The following SHLD1 variants were observed in gnomAD, a reference collection of about 807,000 sequenced individuals.
SHLD1 encodes the protein RINN1-REV7-interacting novel NHEJ regulator 3.
Under a neutral mutation model 5.5 loss-of-function variants are expected in SHLD1, and 3 were observed. The ratio of observed to expected loss-of-function variants is 0.54; its 90% CI spans 0.25 to 1.40. SHLD1 has a LOEUF of 1.40. SHLD1 is among the 40% of genes most tolerant of loss of function. The probability of loss-of-function intolerance (pLI) is 0.15; values close to 1 mark genes in which losing one functional copy is unlikely to be tolerated. For missense variants in SHLD1, 210 were observed against 244.4 expected (o/e 0.86, Z 0.94); for synonymous variants, 92 against 94.3 (o/e 0.98, Z 0.14).
At chr20:5,809,225 A>T (rs374137594) in intron 2 of SHLD1, among the ~76,000 whole-genome samples, 1 of 152,152 alleles carries the variant, frequency 6.6e-6, no homozygotes, top group East Asian at 1.9e-4. Flanking sequence ...ATCTTAACGT[A>T]CATGTTTGCA....
At chr20:5,815,085 C>T (rs768851801) in intron 2 of SHLD1, among the ~76,000 whole-genome samples, 11 of 152,152 alleles carry the variant, frequency 7.2e-5, no homozygotes, top group African/African-American at 1.9e-4. Flanking sequence ...TTCATGCCTG[C>T]GAGACAGCGG....
At chr20:5,758,951 G>GTTT (rs903234621) in intron 1 of SHLD1, among the ~76,000 whole-genome samples, 39 of 127,194 alleles carry the variant, frequency 3.1e-4, no homozygotes, top group Non-Finnish European at 3.3e-4. Flanking sequence ...TTCTTGACAA[G>GTTT]TTTTTTTTTT....
At chr20:5,822,573 G>A (rs237088) in intron 2 of SHLD1, among the ~76,000 whole-genome samples, 2,856 of 152,182 alleles carry the variant, frequency 0.019, 87 homozygotes, top group African/African-American at 0.065. Context: ...AGTCCCAGCA[G>A]TGAGACAAAT....
intron 2 of SHLD1, among the ~76,000 whole-genome samples, chr20:5,821,510 TCAAAACAAAA>T (rs749681534): frequency 6.6e-6 from 1 of 152,078 alleles, no homozygotes; most frequent in African/African-American, 2.4e-5. Context: ...TGACTCTATC[TCAAAACAAAA>T]CAAAACAAAA....
At chr20:5,805,163 G>A (rs1333832246) in intron 2 of SHLD1, among the ~76,000 whole-genome samples, 2 of 152,128 alleles carry the variant, frequency 1.3e-5, no homozygotes, top group African/African-American at 4.8e-5. Flanking sequence ...ATCCTTTGCT[G>A]CTGTTGTTTT....
At chr20:5,767,389 C>T (rs1984898988) in intron 1 of SHLD1, among the ~76,000 whole-genome samples, 2 of 152,184 alleles carry the variant, frequency 1.3e-5, no homozygotes, top group African/African-American at 4.8e-5. Flanking sequence ...CCTCCTGCCT[C>T]AGCCTCCCAA....
chr20:5,790,513 TGCGATCTCG>T (rs2087123984), intron 2 of SHLD1, among the ~76,000 whole-genome samples: 1 of 145,624 alleles, frequency 6.9e-6, no homozygotes, highest in South Asian at 2.2e-4. Context: ...AGTGCAATGG[TGCGATCTCG>T]GCTCACTGCA....
intron 1 of SHLD1, among the ~76,000 whole-genome samples, chr20:5,760,585 C>A (rs189106151): frequency 6.6e-6 from 1 of 151,640 alleles, no homozygotes; most frequent in African/African-American, 2.4e-5. Flanking sequence ...CCTGGCTATC[C>A]GGGAGGCTGA....
chr20:5,809,802 G>A (rs2087433457), intron 2 of SHLD1, among the ~76,000 whole-genome samples: 1 of 151,996 alleles, frequency 6.6e-6, no homozygotes, highest in Non-Finnish European at 1.5e-5. Context: ...TAAATATCCT[G>A]CAATGCACAG....
chr20:5,857,777 C>T (rs1253501317), intron 2 of SHLD1, among the ~76,000 whole-genome samples: 1 of 151,724 alleles, frequency 6.6e-6, no homozygotes, highest in Non-Finnish European at 1.5e-5. Flanking sequence ...CCATGGCACT[C>T]CAACCTGGGG....
At chr20:5,790,660 G>C (rs1384701003) in intron 2 of SHLD1, among the ~76,000 whole-genome samples, 1 of 151,862 alleles carries the variant, frequency 6.6e-6, no homozygotes, top group Non-Finnish European at 1.5e-5. Flanking sequence ...CACCGTGTTG[G>C]CCAGGCTGGT....
chr20:5,773,152 A>G, intron 2 of SHLD1, 109 bp downstream of exon 2: 1 of 1,272,566 alleles, frequency 7.9e-7, no homozygotes, highest in East Asian at 2.4e-5. Context: ...AGAATGCTTC[A>G]TTGTCTTAGG....
Position 5,806,319 on chromosome 20 carries a change from T to C in SHLD1, c.178+33276T>C, listed in dbSNP as rs381515. On this transcript the variant is annotated intron_variant, in intron 2 of 2. Transcript: ENST00000303142. The surrounding 1 kb of genome is among the most constrained non-coding windows in gnomAD (Gnocchi z 7.6). ...CGCATCATGCTATTGGTCCACAGTA[T>C]ATGGATTTGTGGATCGTGTCTTCTT... Among the ~76,000 whole-genome samples the C allele has an allele frequency of 0.04, 6,100 of 152,336 alleles. 121 individuals are homozygous for C. Among genetic ancestry groups the C allele is most frequent in the African/African-American group, 0.063 (2,628 of 41,570 alleles).
chr20:5,830,238 T>C (rs889962132), intron 2 of SHLD1, among the ~76,000 whole-genome samples: 1 of 152,176 alleles, frequency 6.6e-6, no homozygotes, highest in Non-Finnish European at 1.5e-5. Flanking sequence ...CTTTATCAGA[T>C]AAATAAATGG....
chr20:5,764,192 T>TA (rs1568490200), intron 1 of SHLD1, among the ~76,000 whole-genome samples: 6 of 56,076 alleles, frequency 1.1e-4, no homozygotes, highest in African/African-American at 4.6e-4. Context: ...ATATATATAT[T>TA]TTATATATAT....
chr20:5,788,852 C>T (rs547029436), intron 2 of SHLD1, among the ~76,000 whole-genome samples: 20 of 152,132 alleles, frequency 1.3e-4, no homozygotes, highest in African/African-American at 4.8e-4. Flanking sequence ...ATTTTTTTTG[C>T]TGGGCTCAGT....
At chr20:5,757,588 A>G (rs1354985567) in intron 1 of SHLD1, among the ~76,000 whole-genome samples, 1 of 152,034 alleles carries the variant, frequency 6.6e-6, no homozygotes, top group Non-Finnish European at 1.5e-5. Context: ...CTAATGTAGC[A>G]TATTACAGCA....
chr20:5,753,255 T>C lies in SHLD1; in HGVS notation c.-5+2776T>C, dbSNP rs576217532. ...GGTCTGTAGGATGTATCCTAACCTA[T>C]GTCTTGCATGGCCTAGGTCTTGTTT... On this transcript the variant is annotated intron_variant, in intron 1 of 2. Coordinates refer to ENST00000303142, the MANE Select transcript of SHLD1 (RefSeq NM_152504.4). Among the ~76,000 whole-genome samples, 6 of 152,338 alleles carry C rather than the reference T, an allele frequency of 3.9e-5. 1 individual carries two copies. The South Asian group carries it at 8.3e-4, about 21-fold the overall frequency.
At chr20:5,860,320 AT>A (rs2088144882) in intron 2 of SHLD1, among the ~76,000 whole-genome samples, 1 of 152,152 alleles carries the variant, frequency 6.6e-6, no homozygotes, top group Non-Finnish European at 1.5e-5. Flanking sequence ...TTTTACATCT[AT>A]CCCCCCAGAG....
Sources: allele counts gnomAD v4.1 joint callset (sites outside exome capture counted in the v4.1 genomes callset), GRCh38; gene constraint gnomAD v4.1.1; non-coding constraint Gnocchi (gnomAD v3.1); transcripts MANE v1.5; gene names NCBI Gene and HGNC (gene_info 2026-07-23, HGNC 2026-07-21).